The following TENM3 variants were observed in gnomAD, a reference collection of about 807,000 sequenced individuals.
TENM3 encodes teneurin-3.
In TENM3, 63 loss-of-function variants were observed where a neutral mutation model predicts 255.1. The ratio of observed to expected loss-of-function variants is 0.25; its 90% CI spans 0.20 to 0.30. TENM3 has a LOEUF of 0.30. Ranked by LOEUF, TENM3 falls within the 10% of genes least tolerant of loss-of-function variation. The pLI is 1.00. For synonymous variants in TENM3, 1,306 were observed against 1,322.3 expected, an observed-to-expected ratio of 0.99 and a Z score of 0.27; for missense variants, 2,929 against 3,461.1, an observed-to-expected ratio of 0.85 and a Z score of 3.86.
intron 1 of TENM3, among the ~76,000 whole-genome samples, chr4:182,147,636 C>T (rs923429593): frequency 2.0e-5 from 3 of 152,042 alleles, no homozygotes; most frequent in African/African-American, 7.2e-5. Flanking sequence ...CCCTGTGTTT[C>T]GTTTGATAGT....
At chr4:182,067,566 C>A in the TENM3 span, among the ~76,000 whole-genome samples, 1 of 152,120 alleles carries the variant, frequency 6.6e-6, no homozygotes, top group African/African-American at 2.4e-5. Context: ...ATCTTCCTGT[C>A]GATTTTAAAT....
chr4:181,801,648 T>TAA, the TENM3 span, among the ~76,000 whole-genome samples: 1 of 86,416 alleles, frequency 1.2e-5, no homozygotes, highest in African/African-American at 4.2e-5. Flanking sequence ...TAAAGAATTG[T>TAA]AAAATATATA....
rs1001902353 is a variant in TENM3 at position 182,526,960 on chromosome 4, C to T, written c.512-73964C>T. On this transcript the variant is annotated intron_variant, in intron 3 of 27. Coordinates refer to ENST00000511685, the MANE Select transcript of TENM3 (RefSeq NM_001080477.4). ...TTGAAACTAATTAGCCCTTTCGCTCCTTTCTGAGTTCTTTAATTTTTTTTT... is the reference window on the plus strand; with the variant it reads ...TTGAAACTAATTAGCCCTTTCGCTCTTTTCTGAGTTCTTTAATTTTTTTTT... 2.1e-5 allele frequency among the ~76,000 whole-genome samples: 3 copies of T among 145,738 alleles called. No individual in the cohort carries two copies. The South Asian group carries it at 6.3e-4, about 31-fold the overall frequency.
intron 22 of TENM3, among the ~76,000 whole-genome samples, chr4:182,764,329 G>A (rs1763484723): frequency 1.3e-5 from 2 of 152,202 alleles, no homozygotes; most frequent in South Asian, 4.1e-4. Context: ...ACTGGCCTTA[G>A]GTGCTGGAGG....
the TENM3 span, among the ~76,000 whole-genome samples, chr4:181,574,109 C>G: frequency 6.6e-6 from 1 of 152,234 alleles, no homozygotes; most frequent in Non-Finnish European, 1.5e-5. Flanking sequence ...AGCAGTTCCA[C>G]AGCTAACTCT....
the TENM3 span, among the ~76,000 whole-genome samples, chr4:181,780,150 C>T: frequency 6.6e-6 from 1 of 152,166 alleles, no homozygotes; most frequent in East Asian, 1.9e-4. Context: ...GGGTATATCC[C>T]CAGTAATGGG....
chr4:181,607,774 T>A, the TENM3 span, among the ~76,000 whole-genome samples: 1 of 152,214 alleles, frequency 6.6e-6, no homozygotes, highest in Non-Finnish European at 1.5e-5. Flanking sequence ...AGATCTTTCT[T>A]GCAGTTTATT....
At chr4:181,453,039 A>G in the TENM3 span, among the ~76,000 whole-genome samples, 8 of 152,346 alleles carry the variant, frequency 5.3e-5, no homozygotes, top group East Asian at 1.5e-3. Context: ...GTTGATGACT[A>G]TAAGTATTTA....
chr4:181,904,184 C>T, the TENM3 span, among the ~76,000 whole-genome samples: 1 of 152,102 alleles, frequency 6.6e-6, no homozygotes, highest in African/African-American at 2.4e-5. Flanking sequence ...GACTGTTTCA[C>T]ATCCTCCACC....
chr4:181,923,728 A>T, the TENM3 span, among the ~76,000 whole-genome samples: 3 of 152,176 alleles, frequency 2.0e-5, no homozygotes, highest in Non-Finnish European at 4.4e-5. Context: ...AAAAGAAATG[A>T]TAGCCTGGAA....
At chr4:181,943,232 A>G in the TENM3 span, among the ~76,000 whole-genome samples, 3 of 152,136 alleles carry the variant, frequency 2.0e-5, no homozygotes, top group African/African-American at 4.8e-5. Context: ...ATTAATGTCA[A>G]GGTTCTCAGT....
At chr4:182,779,318 T>A (rs1461329869) in intron 24 of TENM3, among the ~76,000 whole-genome samples, 1 of 152,142 alleles carries the variant, frequency 6.6e-6, no homozygotes, top group Non-Finnish European at 1.5e-5. Context: ...TTTGGTTTTT[T>A]TGTACTTGCG....
At chr4:181,830,250 G>A in the TENM3 span, among the ~76,000 whole-genome samples, 3 of 151,990 alleles carry the variant, frequency 2.0e-5, no homozygotes, top group African/African-American at 7.2e-5. Context: ...GCTTGCTGCT[G>A]CTGCTTTTTT....
the TENM3 span, among the ~76,000 whole-genome samples, chr4:181,952,521 G>A: frequency 1.3e-5 from 2 of 152,218 alleles, no homozygotes; most frequent in African/African-American, 2.4e-5. Context: ...GAGACAAAAT[G>A]TTGTAAAGTG....
chr4:182,536,492 T>C (rs1740329858), intron 3 of TENM3, among the ~76,000 whole-genome samples: 1 of 152,250 alleles, frequency 6.6e-6, no homozygotes, highest in Non-Finnish European at 1.5e-5. Flanking sequence ...TAGTGGCTGA[T>C]GGCAGCTCAC....
At chr4:182,729,671 T>A (rs1419171960) in intron 14 of TENM3, among the ~76,000 whole-genome samples, 2 of 152,218 alleles carry the variant, frequency 1.3e-5, no homozygotes, top group Admixed American at 6.5e-5. Flanking sequence ...AGGTGTCTTG[T>A]GTCTCACTGA....
At chr4:182,720,428 T>A (rs568366117) in intron 13 of TENM3, among the ~76,000 whole-genome samples, 1 of 152,096 alleles carries the variant, frequency 6.6e-6, no homozygotes, top group Non-Finnish European at 1.5e-5. Flanking sequence ...TTATCAGACA[T>A]AGAGTGGTGC....
chr4:182,666,788 A>C (rs545555980), intron 6 of TENM3, among the ~76,000 whole-genome samples: 27 of 152,088 alleles, frequency 1.8e-4, no homozygotes, highest in Non-Finnish European at 3.1e-4. Context: ...AGTCCCAGGC[A>C]CTTGGGAAGC....
chr4:181,801,147 T>C, the TENM3 span, among the ~76,000 whole-genome samples: 4 of 152,094 alleles, frequency 2.6e-5, no homozygotes, highest in East Asian at 7.8e-4. Context: ...AAGCAGGCAT[T>C]AGGCACTATC....
Sources: gnomAD v4.1 joint callset for allele counts (sites outside exome capture counted in the v4.1 genomes callset) on GRCh38, gnomAD v4.1.1 for gene constraint, MANE v1.5 for transcripts, NCBI Gene and HGNC (gene_info 2026-07-23, HGNC 2026-07-21) for gene names.